The following AFF3 variants were observed in gnomAD, a reference collection of about 807,000 sequenced individuals.
AFF3 encodes the protein AF4/FMR2 family member 3.
AFF3 carries 32 observed loss-of-function variants against 129.7 expected under a neutral mutation model. The ratio of observed to expected loss-of-function variants is 0.25; its 90% confidence interval spans 0.19 to 0.33. The LOEUF (loss-of-function observed/expected upper bound fraction) is 0.33, where lower values mean the gene tolerates loss of function less well. AFF3 is among the 10% of genes least tolerant of loss of function. The probability of loss-of-function intolerance (pLI) is 1.00; values close to 1 mark genes in which losing one functional copy is unlikely to be tolerated. For missense variants in AFF3, 1,373 were observed against 1,592.0 expected, an observed-to-expected ratio of 0.86 and a Z score of 2.34; for synonymous variants, 644 against 635.4, an observed-to-expected ratio of 1.01 and a Z score of -0.20.
intron 2 of AFF3, among the ~76,000 whole-genome samples, chr2:100,118,925 C>T (rs571044657): frequency 5.9e-5 from 9 of 152,018 alleles, no homozygotes; most frequent in South Asian, 2.1e-4. Context: ...TCCTACCTCC[C>T]GAGTAGCTGG....
chr2:99,834,687 C>A (rs1193390392), intron 8 of AFF3, among the ~76,000 whole-genome samples: 1 of 152,228 alleles, frequency 6.6e-6, no homozygotes, highest in Non-Finnish European at 1.5e-5. Flanking sequence ...AAACTCTGAA[C>A]ACCACTGAGC....
intron 15 of AFF3, among the ~76,000 whole-genome samples, chr2:99,590,072 T>C (rs1272582934): frequency 6.6e-6 from 1 of 152,196 alleles, no homozygotes; most frequent in Non-Finnish European, 1.5e-5. Flanking sequence ...TCAGAGGCCC[T>C]ACCTGTGGTG....
chr2:99,917,941 C>A (rs1030796617), intron 7 of AFF3, among the ~76,000 whole-genome samples: 1 of 151,936 alleles, frequency 6.6e-6, no homozygotes, highest in Non-Finnish European at 1.5e-5. Context: ...AAATAAAAAT[C>A]CTAGGAAGAG....
intron 4 of AFF3, among the ~76,000 whole-genome samples, chr2:100,020,032 C>T (rs1379121313): frequency 3.9e-5 from 6 of 152,150 alleles, no homozygotes; most frequent in Admixed American, 3.3e-4. Flanking sequence ...CTCTTTCTTG[C>T]CATTACACCT....
At chr2:99,771,708 G>C (rs1300836156) in intron 8 of AFF3, among the ~76,000 whole-genome samples, 1 of 152,202 alleles carries the variant, frequency 6.6e-6, no homozygotes. Flanking sequence ...GTGGACTCTG[G>C]TTTCAGAGCC....
intron 7 of AFF3, among the ~76,000 whole-genome samples, chr2:99,888,600 A>G (rs534383405): frequency 6.6e-6 from 1 of 152,292 alleles, no homozygotes; most frequent in South Asian, 2.1e-4. Flanking sequence ...AATGACTTTT[A>G]TTCTTAAGTA....
intron 7 of AFF3, among the ~76,000 whole-genome samples, chr2:100,004,380 A>G (rs534114071): frequency 1.2e-4 from 19 of 152,320 alleles, no homozygotes; most frequent in Admixed American, 4.6e-4. Flanking sequence ...AAATAAAAAT[A>G]TTTATTCCCT....
intron 10 of AFF3, among the ~76,000 whole-genome samples, chr2:99,731,465 T>C (rs1194248302): frequency 6.6e-6 from 1 of 152,186 alleles, no homozygotes; most frequent in Non-Finnish European, 1.5e-5. Flanking sequence ...GACAGTATCT[T>C]TTCTTTCATA....
intron 10 of AFF3, among the ~76,000 whole-genome samples, chr2:99,730,130 G>C (rs1377525813): frequency 6.6e-6 from 1 of 152,090 alleles, no homozygotes; most frequent in African/African-American, 2.4e-5. Flanking sequence ...TGCTCAGTAT[G>C]TGTCTTCTGT....
chr2:99,861,695 G>A (rs1691012365), intron 7 of AFF3, among the ~76,000 whole-genome samples: 1 of 152,152 alleles, frequency 6.6e-6, no homozygotes, highest in South Asian at 2.1e-4. Flanking sequence ...TAATGTATAT[G>A]TACCTTGTAG....
At chr2:99,697,793 C>A (rs534673291) in intron 11 of AFF3, among the ~76,000 whole-genome samples, 47 of 152,306 alleles carry the variant, frequency 3.1e-4, no homozygotes, top group African/African-American at 1.1e-3. Context: ...GATAATAAAA[C>A]CAGCTTTGTC....
chr2:99,684,383 G>C (rs890056147), intron 11 of AFF3, among the ~76,000 whole-genome samples: 1 of 152,192 alleles, frequency 6.6e-6, no homozygotes, highest in Non-Finnish European at 1.5e-5. Flanking sequence ...CCCTGCAGCT[G>C]TCCAGTTCCT....
chr2:99,560,539 C>A, intron 20 of AFF3, 103 bp from the exon 21 acceptor site: 1 of 1,023,786 alleles, frequency 9.8e-7, no homozygotes. Flanking sequence ...GGTAGTTCTC[C>A]CTGCCTGATC....
Position 100,104,825 on chromosome 2 carries a change from G to C in AFF3, c.-64-307C>G, listed in dbSNP as rs1401206659. ...CCGCCGCCGCCGCCGCCGCCGCCGC[G>C]GTGCTCTGCGCCCGCCCGCCCGCCT... On this transcript the variant is annotated intron_variant, in intron 3 of 24. Transcript: ENST00000672756. 2.9e-4 allele frequency: 131 copies of C among 453,722 alleles called. 1 individual carries two copies. The African/African-American group carries it at 3.2e-3, about 11-fold the overall frequency. The allele number at this position is 453,722 out of a possible 1,614,324, so 28.1% of individuals were successfully genotyped here.
intron 11 of AFF3, among the ~76,000 whole-genome samples, chr2:99,686,475 C>T (rs1368230006): frequency 6.6e-6 from 1 of 152,154 alleles, no homozygotes; most frequent in Admixed American, 6.5e-5. Context: ...TCCTTTCCTG[C>T]CTACTTGCTA....
intron 4 of AFF3, among the ~76,000 whole-genome samples, chr2:100,075,887 C>T (rs772824873): frequency 5.9e-5 from 9 of 152,086 alleles, no homozygotes; most frequent in African/African-American, 9.7e-5. Context: ...CTTTGGGGCC[C>T]GTAGGATGGA....
intron 2 of AFF3, among the ~76,000 whole-genome samples, chr2:100,123,525 T>G (rs565416800): frequency 7.4e-4 from 113 of 152,334 alleles, no homozygotes; most frequent in African/African-American, 2.6e-3. Flanking sequence ...CATACTCCAG[T>G]TCAAATTTTG....
chr2:99,990,885 T>C (rs1361189345), intron 7 of AFF3, among the ~76,000 whole-genome samples: 2 of 151,988 alleles, frequency 1.3e-5, no homozygotes, highest in East Asian at 3.9e-4. Context: ...TCAACCTGAG[T>C]TGAAACCAAG....
intron 7 of AFF3, among the ~76,000 whole-genome samples, chr2:99,903,059 A>T (rs1484603232): frequency 6.6e-6 from 1 of 152,210 alleles, no homozygotes; most frequent in African/African-American, 2.4e-5. Flanking sequence ...CTGAATAAAT[A>T]TGAATAAGTA....
Sources: allele counts gnomAD v4.1 joint callset (sites outside exome capture counted in the v4.1 genomes callset), GRCh38; gene constraint gnomAD v4.1.1; transcripts MANE v1.5; gene names NCBI Gene and HGNC (gene_info 2026-07-23, HGNC 2026-07-21).